Variants in NELL2 observed in about 807,000 individuals in gnomAD.
The protein encoded by NELL2 is neural EGFL like 2, also known as protein kinase C-binding protein NELL2.
NELL2 carries 41 observed loss-of-function variants against 109.6 expected under a neutral mutation model. That is an observed-to-expected ratio of 0.37 (90% confidence interval 0.29 to 0.49). The LOEUF is 0.49. Among genes scored for constraint, NELL2 ranks in the 20% least tolerant of loss-of-function variants. The pLI, the probability that NELL2 is intolerant of heterozygous loss-of-function variation, is 0.98. For synonymous variants in NELL2, 355 were observed against 344.7 expected (o/e 1.03, Z -0.33); for missense variants, 900 against 1,008.3 (o/e 0.89, Z 1.45).
intron 2 of NELL2, among the ~76,000 whole-genome samples, chr12:44,833,969 T>A (rs1456563961): frequency 6.6e-6 from 1 of 152,216 alleles, no homozygotes; most frequent in African/African-American, 2.4e-5. Context: ...TGAATGCTAG[T>A]CTAAGTTACG....
At chr12:44,834,838 C>T (rs1944002461) in intron 2 of NELL2, among the ~76,000 whole-genome samples, 1 of 152,346 alleles carries the variant, frequency 6.6e-6, no homozygotes, top group South Asian at 2.1e-4. Context: ...CTTGGACCCA[C>T]CTCTCAGCGC....
chr12:44,898,198 G>A (rs1022119673), intron 1 of NELL2, among the ~76,000 whole-genome samples: 3 of 152,116 alleles, frequency 2.0e-5, no homozygotes, highest in Non-Finnish European at 4.4e-5. Flanking sequence ...AGACTTAAAC[G>A]TTCCTGCCTG....
chr12:44,815,944 A>C (rs1566458245), intron 3 of NELL2, 42 bp downstream of exon 3: 1 of 1,572,862 alleles, frequency 6.4e-7, no homozygotes, highest in Admixed American at 2.0e-5. Flanking sequence ...TCATTTAACC[A>C]CATATAATGA....
At chr12:44,680,822 T>C (rs1008888263) in intron 12 of NELL2, among the ~76,000 whole-genome samples, 1 of 152,196 alleles carries the variant, frequency 6.6e-6, no homozygotes, top group Non-Finnish European at 1.5e-5. Context: ...GTTATTGTTG[T>C]TGTCCCCTAA....
At chr12:44,676,512 T>C (rs1250369623) in intron 12 of NELL2, among the ~76,000 whole-genome samples, 1 of 152,170 alleles carries the variant, frequency 6.6e-6, no homozygotes, top group Non-Finnish European at 1.5e-5. Context: ...TGTATTCATC[T>C]GAATGTATGA....
intron 15 of NELL2, among the ~76,000 whole-genome samples, chr12:44,545,054 AG>A (rs1942737304): frequency 6.6e-6 from 1 of 152,040 alleles, no homozygotes; most frequent in South Asian, 2.1e-4. Context: ...TGTCAAAAAC[AG>A]AGGGTTGCCA....
chr12:44,523,969 C>T (rs1941654792), intron 16 of NELL2, among the ~76,000 whole-genome samples: 1 of 152,176 alleles, frequency 6.6e-6, no homozygotes, highest in Non-Finnish European at 1.5e-5. Flanking sequence ...ATTCTCGCGG[C>T]TGCACCTGCC....
intron 2 of NELL2, among the ~76,000 whole-genome samples, chr12:44,821,885 TTTTATTTATTTATTTATTTATTTA>T (rs199661897): frequency 7.1e-6 from 1 of 141,236 alleles, no homozygotes; most frequent in Non-Finnish European, 1.5e-5. Flanking sequence ...GCCCGGCTGG[TTTTATTTATTTATTTATTTATTTA>T]TTTATTTATT....
chr12:44,753,077 C>A (rs992688820), intron 9 of NELL2, among the ~76,000 whole-genome samples: 2 of 152,124 alleles, frequency 1.3e-5, no homozygotes, highest in South Asian at 4.1e-4. Context: ...CATGCCTGCC[C>A]TAGAGTCTTG....
chr12:44,597,309 A>G (rs1945005157), intron 15 of NELL2, among the ~76,000 whole-genome samples: 1 of 152,126 alleles, frequency 6.6e-6, no homozygotes, highest in Admixed American at 6.5e-5. Flanking sequence ...TTATTCAACT[A>G]CCCTCTTATA....
At chr12:44,591,251 A>C (rs1244887217) in intron 15 of NELL2, among the ~76,000 whole-genome samples, 1 of 152,196 alleles carries the variant, frequency 6.6e-6, no homozygotes, top group Non-Finnish European at 1.5e-5. Flanking sequence ...GAATTACCAT[A>C]TGATCCAACA....
At position 44,541,646 on chromosome 12, in the gene NELL2, TTAA is replaced by T. The variant is rs888346401; in HGVS notation, c.1664-8928_1664-8926del. On this transcript the variant is annotated intron_variant, in intron 15 of 19. Coordinates refer to ENST00000429094, the MANE Select transcript of NELL2 (RefSeq NM_001145108.2). Reference sequence around the variant, plus strand: ...AAAAATCAATGGGAGAAAAATATCTTTAATAATAATAATAAGTCCAGAACTTTT... The same window carrying T: ...AAAAATCAATGGGAGAAAAATATCTTTAATAATAATAAGTCCAGAACTTTT... Among the ~76,000 whole-genome samples the T allele has an allele frequency of 2.6e-5, 4 of 152,138 alleles. No homozygotes were observed. The East Asian group carries it at 5.8e-4, about 22-fold the overall frequency.
chr12:44,579,381 C>G (rs1229544575), intron 15 of NELL2, among the ~76,000 whole-genome samples: 1 of 152,040 alleles, frequency 6.6e-6, no homozygotes, highest in African/African-American at 2.4e-5. Flanking sequence ...ATACTTAGAC[C>G]CCAGTTTGCT....
intron 15 of NELL2, among the ~76,000 whole-genome samples, chr12:44,571,333 A>C (rs1943866247): frequency 1.3e-5 from 2 of 152,228 alleles, no homozygotes; most frequent in African/African-American, 2.4e-5. Flanking sequence ...CACCCAGAGC[A>C]CACAATTCAG....
chr12:44,820,089 G>A (rs534952375), intron 2 of NELL2, among the ~76,000 whole-genome samples: 18 of 152,226 alleles, frequency 1.2e-4, no homozygotes, highest in South Asian at 4.2e-4. Flanking sequence ...GTACATAGAG[G>A]AAGTTTAAGT....
At chr12:44,636,903 G>A (rs1045412573) in intron 13 of NELL2, among the ~76,000 whole-genome samples, 1 of 152,006 alleles carries the variant, frequency 6.6e-6, no homozygotes, top group African/African-American at 2.4e-5. Flanking sequence ...TGCTTGGTAG[G>A]CTATTATTTA....
chr12:44,694,177 C>A lies in NELL2; in HGVS notation c.1318+9549G>T, dbSNP rs148909146. On this transcript the variant is annotated intron_variant, in intron 12 of 19. Coordinates refer to ENST00000429094, the MANE Select transcript of NELL2 (RefSeq NM_001145108.2). ...TTCTGGATGAAATTAACATTTGAAT[C>A]TGTAGACTGAGTAAAGCAGATTATC... Among the ~76,000 whole-genome samples, 172 of 152,220 alleles carry A rather than the reference C, an allele frequency of 1.1e-3. 1 individual carries two copies. Among genetic ancestry groups the A allele is most frequent in the African/African-American group, 3.8e-3 (157 of 41,514 alleles).
chr12:44,553,608 T>C (rs1206959415), intron 15 of NELL2, among the ~76,000 whole-genome samples: 1 of 152,208 alleles, frequency 6.6e-6, no homozygotes, highest in Non-Finnish European at 1.5e-5. Flanking sequence ...ATAAGTAGAA[T>C]AGTATATGTT....
upstream of NELL2, among the ~76,000 whole-genome samples, chr12:44,916,140 T>G (rs958678278): frequency 6.6e-6 from 1 of 152,162 alleles, no homozygotes; most frequent in Non-Finnish European, 1.5e-5. Context: ...TAACATGTAT[T>G]AAAGGATGCT....
Sources: allele counts gnomAD v4.1 joint callset (sites outside exome capture counted in the v4.1 genomes callset), GRCh38; gene constraint gnomAD v4.1.1; transcripts MANE v1.5; gene names NCBI Gene and HGNC (gene_info 2026-07-23, HGNC 2026-07-21).